The following CRTC3 variants were observed in gnomAD, a reference collection of about 807,000 sequenced individuals.
The protein encoded by CRTC3 is CREB regulated transcription coactivator 3, also known as CREB-regulated transcription coactivator 3.
CRTC3 carries 26 observed loss-of-function variants against 74.5 expected under a neutral mutation model. The observed-to-expected ratio is 0.35, with a 90% CI of 0.26 to 0.48. The LOEUF is 0.48. Ranked by LOEUF, CRTC3 falls within the 20% of genes least tolerant of loss-of-function variation. The pLI is 0.99. For missense variants in CRTC3, 760 were observed against 787.3 expected (o/e 0.97, Z 0.41); for synonymous variants, 377 against 325.8 (o/e 1.16, Z -1.69).
At chr15:90,629,682 G>A (rs1303307202) in intron 11 of CRTC3, 150 bp downstream of exon 11, 6 of 686,456 alleles carry the variant, frequency 8.7e-6, no homozygotes, top group Non-Finnish European at 1.5e-5. Context: ...TCTTATATGT[G>A]AAATCAGAGC....
intron 6 of CRTC3, among the ~76,000 whole-genome samples, chr15:90,608,685 T>C (rs1383162674): frequency 6.6e-6 from 1 of 150,504 alleles, no homozygotes; most frequent in African/African-American, 2.5e-5. Flanking sequence ...ATCTTAATGG[T>C]CTTGTTCTCT....
At chr15:90,545,387 A>T (rs554652647) in intron 2 of CRTC3, among the ~76,000 whole-genome samples, 1 of 145,174 alleles carries the variant, frequency 6.9e-6, no homozygotes, top group South Asian at 2.1e-4. Flanking sequence ...ATCATATGAC[A>T]ATTGTGGTTT....
intron 2 of CRTC3, among the ~76,000 whole-genome samples, chr15:90,561,783 C>A (rs116847918): frequency 6.6e-6 from 1 of 152,166 alleles, no homozygotes; most frequent in Non-Finnish European, 1.5e-5. Flanking sequence ...TGTTCCAATT[C>A]CCTACAAAAT....
intron 6 of CRTC3, 97 bp downstream of exon 6, chr15:90,607,575 G>C: frequency 1.4e-6 from 1 of 735,642 alleles, no homozygotes; most frequent in Non-Finnish European, 2.3e-6. Context: ...TGCGCTTCCC[G>C]GTTCAGTGAT....
intron 2 of CRTC3, among the ~76,000 whole-genome samples, chr15:90,542,651 G>A (rs1477076473): frequency 6.6e-6 from 1 of 152,186 alleles, no homozygotes; most frequent in Non-Finnish European, 1.5e-5. Flanking sequence ...TCTTCAGACT[G>A]CATTCACCAA....
chr15:90,626,816 T>C (rs1385819651), intron 10 of CRTC3, among the ~76,000 whole-genome samples: 1 of 152,164 alleles, frequency 6.6e-6, no homozygotes, highest in Non-Finnish European at 1.5e-5. Context: ...GGTTTCACCA[T>C]GTTGGCCAGG....
chr15:90,549,654 T>C (rs985352296), intron 2 of CRTC3, among the ~76,000 whole-genome samples: 14 of 152,014 alleles, frequency 9.2e-5, no homozygotes, highest in African/African-American at 3.4e-4. Context: ...GAGGAAAATA[T>C]GTAAATATGT....
chr15:90,564,681 C>A (rs1287235588), intron 2 of CRTC3, among the ~76,000 whole-genome samples: 1 of 152,166 alleles, frequency 6.6e-6, no homozygotes, highest in Non-Finnish European at 1.5e-5. Flanking sequence ...CTACCTCTGA[C>A]CCTTCGAATT....
chr15:90,635,327 G>T (rs1195483938), intron 11 of CRTC3, among the ~76,000 whole-genome samples: 1 of 152,088 alleles, frequency 6.6e-6, no homozygotes, highest in African/African-American at 2.4e-5. Flanking sequence ...ATTTCCTTGG[G>T]AAACTCCTGG....
At chr15:90,608,093 G>A (rs564921138) in intron 6 of CRTC3, among the ~76,000 whole-genome samples, 1 of 152,138 alleles carries the variant, frequency 6.6e-6, no homozygotes, top group African/African-American at 2.4e-5. Flanking sequence ...TGGGGGAAGA[G>A]GAGGTCGGGC....
chr15:90,531,160 C>A (rs1400294373), intron 1 of CRTC3, among the ~76,000 whole-genome samples: 1 of 152,014 alleles, frequency 6.6e-6, no homozygotes, highest in Non-Finnish European at 1.5e-5. Flanking sequence ...TTTTGGCCAG[C>A]GCAGTGTTTG....
At chr15:90,555,745 G>C (rs866765648) in intron 2 of CRTC3, among the ~76,000 whole-genome samples, 14 of 152,140 alleles carry the variant, frequency 9.2e-5, no homozygotes, top group Admixed American at 1.3e-4. Context: ...CGAAACTCCT[G>C]ACCTCAAGTG....
rs895947610 is a variant in CRTC3 at position 90,645,232 on chromosome 15, C to T, written c.*3092C>T. 9 of 228,192 alleles carry T rather than the reference C, an allele frequency of 3.9e-5. No individual in the cohort carries two copies. In the South Asian group the frequency reaches 1.6e-3, roughly 42 times the overall value. The allele number at this position is 228,192 out of a possible 1,614,324, so 14.1% of individuals were successfully genotyped here. ...TGCCAGTGTCCTAACCCCCAGGGCACCCTGTTCAACCATATTTAAAAATTG... is the reference window on the plus strand; with the variant it reads ...TGCCAGTGTCCTAACCCCCAGGGCATCCTGTTCAACCATATTTAAAAATTG... On this transcript the variant is annotated 3_prime_UTR_variant, in exon 15 of 15. Coordinates refer to ENST00000268184, the MANE Select transcript of CRTC3 (RefSeq NM_022769.5).
At chr15:90,641,835 G>A in intron 14 of CRTC3, 97 bp from the exon 15 acceptor site, 2 of 936,598 alleles carry the variant, frequency 2.1e-6, no homozygotes, top group Non-Finnish European at 3.4e-6. Context: ...GTGTGGGATA[G>A]CAGTTTAGGG....
At chr15:90,621,323 G>GTATT (rs1337724064) in intron 9 of CRTC3, among the ~76,000 whole-genome samples, 6 of 151,480 alleles carry the variant, frequency 4.0e-5, no homozygotes, top group East Asian at 1.9e-4. Flanking sequence ...TAGTTTGTTT[G>GTATT]TATTTATTTA....
intron 6 of CRTC3, 67 bp from the exon 7 acceptor site, chr15:90,614,386 A>G: frequency 8.3e-7 from 1 of 1,202,302 alleles, no homozygotes; most frequent in Non-Finnish European, 1.2e-6. Flanking sequence ...TTACTGATTC[A>G]TAAATTCATG....
At chr15:90,601,175 A>C (rs184920205) in intron 3 of CRTC3, among the ~76,000 whole-genome samples, 100 of 152,316 alleles carry the variant, frequency 6.6e-4, no homozygotes, top group Middle Eastern at 3.4e-3. Flanking sequence ...AAACGAATGA[A>C]AACAGCGCCC....
chr15:90,575,070 C>G (rs1296041629), intron 2 of CRTC3, among the ~76,000 whole-genome samples: 1 of 152,078 alleles, frequency 6.6e-6, no homozygotes, highest in African/African-American at 2.4e-5. Flanking sequence ...TTAATGTTGG[C>G]TGGATGCAGT....
chr15:90,607,537 C>T (rs1008040318), intron 6 of CRTC3, 59 bp downstream of exon 6: 18 of 1,087,088 alleles, frequency 1.7e-5, no homozygotes, highest in Non-Finnish European at 2.2e-5. Flanking sequence ...TCCTAGGAAC[C>T]AAGGGAGAGA....
Sources: allele counts gnomAD v4.1 joint callset (sites outside exome capture counted in the v4.1 genomes callset), GRCh38; gene constraint gnomAD v4.1.1; transcripts MANE v1.5; gene names NCBI Gene and HGNC (gene_info 2026-07-23, HGNC 2026-07-21).